The following NCAM1 variants were observed in gnomAD, a reference collection of about 807,000 sequenced individuals.
NCAM1 encodes the protein neural cell adhesion molecule 1.
NCAM1 carries 14 observed loss-of-function variants against 109.8 expected under a neutral mutation model. The ratio of observed to expected loss-of-function variants is 0.13; its 90% CI spans 0.08 to 0.20. The LOEUF is 0.20. NCAM1 is among the 10% of genes least tolerant of loss of function. The pLI is 1.00. For missense variants in NCAM1, 774 were observed against 1,109.9 expected (o/e 0.70, Z 4.30); for synonymous variants, 418 against 442.9 (o/e 0.94, Z 0.70).
At chr11:113,100,950 C>CT (rs1282616808) in intron 1 of NCAM1, among the ~76,000 whole-genome samples, 35 of 152,126 alleles carry the variant, frequency 2.3e-4, no homozygotes, top group Non-Finnish European at 4.4e-4. Flanking sequence ...CTAGATGACC[C>CT]TTTCTGGTCC....
Position 112,961,591 on chromosome 11 carries a change from C to T in NCAM1, c.-22C>T. 1 of 1,435,426 alleles carries T rather than the reference C, an allele frequency of 7.0e-7. No homozygotes were observed. The highest frequency in any genetic ancestry group is 1.7e-4 in the Middle Eastern group (1 of 5,744). The allele number at this position is 1,435,426 out of a possible 1,614,324, so 88.9% of individuals were successfully genotyped here. ...ACAGAATTTACCGCGGCAAGAACAT[C>T]CCTCCCAGCCAGCAGATTACAATGC... On this transcript the variant is annotated 5_prime_UTR_variant, in exon 1 of 20. Coordinates refer to ENST00000316851, the MANE Select transcript of NCAM1 (RefSeq NM_181351.5).
chr11:113,019,726 A>C (rs1276713023), intron 1 of NCAM1, among the ~76,000 whole-genome samples: 1 of 152,170 alleles, frequency 6.6e-6, no homozygotes, highest in African/African-American at 2.4e-5. Context: ...GATATATTAC[A>C]ATTTCTAGTC....
intron 17 of NCAM1, 190 bp downstream of exon 17, chr11:113,260,513 G>T: frequency 1.7e-6 from 1 of 594,232 alleles, no homozygotes; most frequent in East Asian, 3.3e-5. Flanking sequence ...GGACCCCCAG[G>T]AAGGCTTGGC....
At chr11:113,271,369 C>CAAAA (rs71060298) in intron 18 of NCAM1, among the ~76,000 whole-genome samples, 192 of 66,864 alleles carry the variant, frequency 2.9e-3, no homozygotes, top group East Asian at 4.8e-3. Context: ...GACTCTGTCT[C>CAAAA]AAAAAAAAAA....
At chr11:113,006,330 T>C (rs1226997773) in intron 1 of NCAM1, among the ~76,000 whole-genome samples, 1 of 152,182 alleles carries the variant, frequency 6.6e-6, no homozygotes, top group Non-Finnish European at 1.5e-5. Context: ...TCCTACACTA[T>C]CAACTCATTC....
At chr11:113,010,685 A>G (rs1952023676) in intron 1 of NCAM1, among the ~76,000 whole-genome samples, 1 of 152,244 alleles carries the variant, frequency 6.6e-6, no homozygotes, top group East Asian at 1.9e-4. Context: ...AGTTGGCGAG[A>G]GTACCAAGTA....
chr11:113,240,581 A>G lies in NCAM1; in HGVS notation c.1825+5417A>G, dbSNP rs1210696268. On this transcript the variant is annotated intron_variant, in intron 14 of 19. Coordinates refer to ENST00000316851, the MANE Select transcript of NCAM1 (RefSeq NM_181351.5). ...CTGAACTGCAGGGTTTGGCAGGTGC[A>G]CAGTCTCAAGGTTTGACGTTAGAGA... 5 of 580,184 alleles carry G rather than the reference A, an allele frequency of 8.6e-6. No homozygotes were observed. In the East Asian group the frequency reaches 1.4e-4, roughly 17 times the overall value. The allele number at this position is 580,184 out of a possible 1,614,324, so 35.9% of individuals were successfully genotyped here. A position where few individuals can be genotyped will look rare whatever the true frequency, so the allele number is the denominator to read the frequency against.
At chr11:113,032,045 G>C (rs1420440408) in intron 1 of NCAM1, among the ~76,000 whole-genome samples, 2 of 152,110 alleles carry the variant, frequency 1.3e-5, no homozygotes, top group Non-Finnish European at 2.9e-5. Context: ...GGGCTCAAGT[G>C]ATCCTCCTGC....
Position 113,202,410 on chromosome 11 carries a change from G to A in NCAM1, c.84G>A (p.Gln28=), listed in dbSNP as rs782220003. 3.1e-6 allele frequency: 5 copies of A among 1,613,170 alleles called. No homozygotes were observed. The highest frequency in any genetic ancestry group is 3.3e-4 in the Middle Eastern group (2 of 6,056). Residue 28 remains glutamine, a synonymous_variant, in exon 2 of 20, where the codon CAG becomes CAA. Transcript: ENST00000316851. ...TGCAGGTGGATATTGTTCCCAGCCA[G>A]GGGGAGATCAGCGTTGGAGAGTCCA... The part of the protein sequence containing the change: ...VSLQVDIVPS[Q]GEISVGESKF...
chr11:113,232,071 C>G, intron 10 of NCAM1, 99 bp from the exon 11 acceptor site: 1 of 1,246,244 alleles, frequency 8.0e-7, no homozygotes, highest in Non-Finnish European at 1.1e-6. Flanking sequence ...GGCGCTGGCT[C>G]TGCTTTGGAG....
intron 17 of NCAM1, chr11:113,269,662 G>C (rs1253778178): frequency 6.0e-6 from 1 of 167,008 alleles, no homozygotes; most frequent in East Asian, 1.7e-4. Flanking sequence ...AAGAGGGAAA[G>C]AGGAAGTGGA....
chr11:113,191,370 C>T (rs559714500), intron 1 of NCAM1, among the ~76,000 whole-genome samples: 84 of 152,334 alleles, frequency 5.5e-4, no homozygotes, highest in Non-Finnish European at 1.1e-3. Context: ...GGGCCTGAAT[C>T]ATATAGCTCC....
At chr11:113,131,836 C>T (rs1941398267) in intron 1 of NCAM1, among the ~76,000 whole-genome samples, 1 of 152,212 alleles carries the variant, frequency 6.6e-6, no homozygotes, top group South Asian at 2.1e-4. Context: ...CAGAACCCAG[C>T]CACGTGGTTA....
intron 1 of NCAM1, among the ~76,000 whole-genome samples, chr11:113,177,660 C>G (rs546786772): frequency 6.6e-6 from 1 of 152,160 alleles, no homozygotes; most frequent in Non-Finnish European, 1.5e-5. Flanking sequence ...CTCAAACTCC[C>G]GACCTCAGGT....
chr11:113,182,773 G>A (rs1172622325), intron 1 of NCAM1, among the ~76,000 whole-genome samples: 3 of 152,148 alleles, frequency 2.0e-5, no homozygotes, highest in East Asian at 1.9e-4. Context: ...ACTGGGGAGC[G>A]GGGCTGCAAG....
intron 1 of NCAM1, among the ~76,000 whole-genome samples, chr11:112,970,409 T>C (rs1265450797): frequency 6.6e-6 from 1 of 152,168 alleles, no homozygotes; most frequent in Non-Finnish European, 1.5e-5. Context: ...TTTTTATTGC[T>C]GTATGAAACA....
rs79917100 is a variant in NCAM1 at position 113,123,171 on chromosome 11, C to T, written c.53-79208C>T. Among the ~76,000 whole-genome samples the T allele has an allele frequency of 6.4e-4, 98 of 152,192 alleles. 2 individuals carry two copies. In the East Asian group the frequency reaches 0.017, roughly 26 times the overall value. On this transcript the variant is annotated intron_variant, in intron 1 of 19. Coordinates refer to ENST00000316851, the MANE Select transcript of NCAM1 (RefSeq NM_181351.5). The stretch of plus-strand genomic sequence containing the variant: ...TTTGGGTAGCACAGTAGGGTGATGA[C>T]AGTTAGCAACAATATATATTTCAAA...
chr11:113,135,240 C>A (rs1941555347), intron 1 of NCAM1, among the ~76,000 whole-genome samples: 1 of 152,114 alleles, frequency 6.6e-6, no homozygotes, highest in Admixed American at 6.5e-5. Flanking sequence ...TTGGGGTTCA[C>A]CTTCAGATAG....
At chr11:113,155,145 G>A (rs922984244) in intron 1 of NCAM1, among the ~76,000 whole-genome samples, 2 of 152,182 alleles carry the variant, frequency 1.3e-5, no homozygotes, top group Non-Finnish European at 2.9e-5. Flanking sequence ...CAAGTGCCTG[G>A]GCAGTGAGGA....
Sources: gnomAD v4.1 joint callset for allele counts (sites outside exome capture counted in the v4.1 genomes callset) on GRCh38, gnomAD v4.1.1 for gene constraint, MANE v1.5 for transcripts, NCBI Gene and HGNC (gene_info 2026-07-23, HGNC 2026-07-21) for gene names.